Variants in NELL2 observed in about 807,000 individuals in gnomAD.
NELL2 encodes the protein protein kinase C-binding protein NELL2.
NELL2 carries 41 observed loss-of-function variants against 109.6 expected under a neutral mutation model. That is an observed-to-expected ratio of 0.37 (90% CI 0.29 to 0.49). The LOEUF (loss-of-function observed/expected upper bound fraction) is 0.49, where lower values mean the gene tolerates loss of function less well. Among genes scored for constraint, NELL2 ranks in the 20% least tolerant of loss-of-function variants. The probability of loss-of-function intolerance (pLI) is 0.98; values close to 1 mark genes in which losing one functional copy is unlikely to be tolerated. For missense variants in NELL2, 900 were observed against 1,008.3 expected (o/e 0.89, Z 1.45); for synonymous variants, 355 against 344.7 (o/e 1.03, Z -0.33).
intron 9 of NELL2, among the ~76,000 whole-genome samples, chr12:44,760,457 A>C (rs1478333518): frequency 6.6e-6 from 1 of 152,192 alleles, no homozygotes; most frequent in South Asian, 2.1e-4. Flanking sequence ...ATTTTTAAAA[A>C]GACGAGTGAT....
intron 3 of NELL2, among the ~76,000 whole-genome samples, chr12:44,812,528 G>C (rs1943212397): frequency 6.6e-6 from 1 of 152,022 alleles, no homozygotes. Context: ...ATTTTATCTT[G>C]TCCTGTAGAT....
chr12:44,711,166 G>T, intron 11 of NELL2, 126 bp downstream of exon 11: 1 of 660,792 alleles, frequency 1.5e-6, no homozygotes, highest in African/African-American at 1.8e-5. Context: ...AATTAGGAGA[G>T]CATATAGGGA....
At chr12:44,851,116 CT>C (rs1035396612) in intron 2 of NELL2, among the ~76,000 whole-genome samples, 1 of 152,002 alleles carries the variant, frequency 6.6e-6, no homozygotes, top group Non-Finnish European at 1.5e-5. Context: ...CAACACTTAC[CT>C]TTTTGTTCGA....
At chr12:44,550,494 AGAC>A (rs1942996218) in intron 15 of NELL2, among the ~76,000 whole-genome samples, 1 of 150,672 alleles carries the variant, frequency 6.6e-6, no homozygotes, top group Non-Finnish European at 1.5e-5. Flanking sequence ...CAGAGAGCTG[AGAC>A]TATGCCATTG....
intron 3 of NELL2, among the ~76,000 whole-genome samples, chr12:44,791,557 T>C (rs1166279215): frequency 3.3e-5 from 5 of 151,576 alleles, no homozygotes; most frequent in Admixed American, 6.6e-5. Context: ...AGTGGTAGAT[T>C]GGTGGGAAGT....
chr12:44,571,589 G>A (rs936649502), intron 15 of NELL2, among the ~76,000 whole-genome samples: 1 of 152,168 alleles, frequency 6.6e-6, no homozygotes, highest in Admixed American at 6.5e-5. Flanking sequence ...CCACATCGTA[G>A]GCATCCAATA....
intron 1 of NELL2, among the ~76,000 whole-genome samples, chr12:44,912,691 G>A (rs1712907109): frequency 1.3e-5 from 2 of 152,086 alleles, no homozygotes; most frequent in Admixed American, 1.3e-4. Flanking sequence ...AAGCCTAATA[G>A]TGCATAAAAG....
intron 1 of NELL2, 106 bp from the exon 2 acceptor site, chr12:44,875,459 G>T: frequency 1.9e-6 from 3 of 1,613,864 alleles, no homozygotes; most frequent in Non-Finnish European, 2.5e-6. Context: ...ACAATATTGG[G>T]AACTGAAGAT....
intron 15 of NELL2, among the ~76,000 whole-genome samples, chr12:44,557,305 A>G (rs1943292854): frequency 6.6e-6 from 1 of 152,182 alleles, no homozygotes; most frequent in Admixed American, 6.5e-5. Context: ...ATTACTGCAA[A>G]ATAGAAACAA....
intron 2 of NELL2, among the ~76,000 whole-genome samples, chr12:44,854,331 C>T (rs911647343): frequency 1.3e-5 from 2 of 152,110 alleles, no homozygotes; most frequent in Non-Finnish European, 2.9e-5. Context: ...ATACACAATG[C>T]ACAGCACAGG....
At chr12:44,628,392 C>T (rs1245139853) in intron 13 of NELL2, among the ~76,000 whole-genome samples, 1 of 152,182 alleles carries the variant, frequency 6.6e-6, no homozygotes, top group African/African-American at 2.4e-5. Flanking sequence ...AGCTACTGCA[C>T]TGAAACACAA....
In NELL2 at chr12:44,594,769, GTTTA is replaced by G. The variant is rs1356201428; in HGVS notation, c.1663+12396_1663+12399del. On this transcript the variant is annotated intron_variant, in intron 15 of 19. Transcript: ENST00000429094. The stretch of plus-strand genomic sequence containing the variant: ...TCTGCTTCTACATTATCTAAAATTA[GTTTA>G]TTTATTCTAATCTAATGTATTTTAG... Among the ~76,000 whole-genome samples the G allele has an allele frequency of 7.9e-5, 12 of 152,128 alleles. 2 individuals carry two copies. In the South Asian group the frequency reaches 2.5e-3, roughly 32 times the overall value.
At chr12:44,532,099 A>G (rs1392452383) in intron 16 of NELL2, among the ~76,000 whole-genome samples, 1 of 152,204 alleles carries the variant, frequency 6.6e-6, no homozygotes, top group African/African-American at 2.4e-5. Context: ...TCCAACATTC[A>G]ACAATCACTA....
At chr12:44,863,128 T>C (rs1203712886) in intron 2 of NELL2, among the ~76,000 whole-genome samples, 1 of 152,024 alleles carries the variant, frequency 6.6e-6, no homozygotes, top group Non-Finnish European at 1.5e-5. Flanking sequence ...CAGTGTGTGA[T>C]GTTTCCCTCC....
At chr12:44,642,142 G>T (rs1202311359) in intron 13 of NELL2, among the ~76,000 whole-genome samples, 2 of 152,108 alleles carry the variant, frequency 1.3e-5, no homozygotes, top group East Asian at 3.9e-4. Context: ...CTTGATTTAT[G>T]AGTCACCAGG....
At chr12:44,762,072 T>C (rs1296920096) in intron 9 of NELL2, among the ~76,000 whole-genome samples, 1 of 151,922 alleles carries the variant, frequency 6.6e-6, no homozygotes, top group Non-Finnish European at 1.5e-5. Context: ...AACAAAAAAA[T>C]AGAAATTGTC....
chr12:44,776,502 T>G (rs987212647), intron 7 of NELL2, among the ~76,000 whole-genome samples: 15 of 152,128 alleles, frequency 9.9e-5, no homozygotes, highest in Non-Finnish European at 1.9e-4. Context: ...AAAATAAAAT[T>G]CAGAATTTAT....
chr12:44,710,568 A>G (rs1016771413), intron 11 of NELL2, among the ~76,000 whole-genome samples: 1 of 152,150 alleles, frequency 6.6e-6, no homozygotes, highest in South Asian at 2.1e-4. Context: ...CATATAATCA[A>G]TGCTTTAATT....
At chr12:44,803,730 G>T (rs1942909459) in intron 3 of NELL2, among the ~76,000 whole-genome samples, 1 of 151,882 alleles carries the variant, frequency 6.6e-6, no homozygotes, top group Non-Finnish European at 1.5e-5. Context: ...AAGAAAAATA[G>T]CAAGAGTCTC....
Sources: gnomAD v4.1 joint callset for allele counts (sites outside exome capture counted in the v4.1 genomes callset) on GRCh38, gnomAD v4.1.1 for gene constraint, MANE v1.5 for transcripts, NCBI Gene and HGNC (gene_info 2026-07-23, HGNC 2026-07-21) for gene names.